The following SLC9B1 variants were observed in gnomAD, a reference collection of about 807,000 sequenced individuals.
The protein encoded by SLC9B1 is solute carrier family 9 member B1, also known as sodium/hydrogen exchanger 9B1.
A neutral mutation model predicts 51.7 loss-of-function variants in SLC9B1; 32 were observed. That is an observed-to-expected ratio of 0.62 (90% confidence interval 0.47 to 0.83). The LOEUF is 0.83. SLC9B1 is among the 40% of genes least tolerant of loss of function. SLC9B1 has a pLI of 0.00. For synonymous variants in SLC9B1, 145 were observed against 212.7 expected, an observed-to-expected ratio of 0.68 and a Z score of 2.77; for missense variants, 406 against 613.2, an observed-to-expected ratio of 0.66 and a Z score of 3.57.
intron 7 of SLC9B1, among the ~76,000 whole-genome samples, chr4:102,916,429 T>C (rs1048324939): frequency 1.6e-4 from 24 of 152,320 alleles, no homozygotes; most frequent in Admixed American, 1.5e-3. Flanking sequence ...CATCTAAATA[T>C]ATGAAGCCAA....
At chr4:102,916,936 A>G (rs1289155399) in intron 7 of SLC9B1, among the ~76,000 whole-genome samples, 2 of 152,230 alleles carry the variant, frequency 1.3e-5, no homozygotes, top group Non-Finnish European at 2.9e-5. Flanking sequence ...CTGCCACAGG[A>G]GAATGATGGA....
At chr4:102,977,284 C>T (rs1417545091) in intron 3 of SLC9B1, among the ~76,000 whole-genome samples, 2 of 113,464 alleles carry the variant, frequency 1.8e-5, no homozygotes, top group South Asian at 5.9e-4. Context: ...ATAACTGAGA[C>T]AATATTATAA....
In SLC9B1 at chr4:102,911,432, T is replaced by C; in HGVS notation, c.935A>G (p.Gln312Arg). 2 of 1,584,058 alleles carry C rather than the reference T, an allele frequency of 1.3e-6. No homozygotes were observed. Among genetic ancestry groups the C allele is most frequent in the Non-Finnish European group, 1.7e-6 (2 of 1,167,882 alleles). ...FFVRYFPSED[Q>R]KKLTLKRGFL... ...CTATAAAATAGATTTTGTATTTACC[T>C]GGTCTTCACTTGGAAAATATCGAAC... The change falls in exon 8 of 12, where the codon CAG becomes CGG. Residue 312 changes from glutamine to arginine, a missense_variant and splice_region_variant. Transcript: ENST00000296422.
At position 102,946,630 on chromosome 4, in the gene SLC9B1, T is replaced by G; in HGVS notation, c.525+17A>C. 1 of 1,597,536 alleles carries G rather than the reference T, an allele frequency of 6.3e-7. No individual in the cohort carries two copies. The highest frequency in any genetic ancestry group is 8.5e-7 in the Non-Finnish European group (1 of 1,175,726). ...ATATTTGAAATAACCTTACTCGATT[T>G]GTAATTGTAAATCTACCTGTGGATC... On this transcript the variant is annotated intron_variant, in intron 5 of 11. Coordinates refer to ENST00000296422, the MANE Select transcript of SLC9B1 (RefSeq NM_139173.4).
chr4:103,017,104 C>T (rs1741406580), intron 1 of SLC9B1: 1 of 152,136 alleles, frequency 6.6e-6, no homozygotes, highest in South Asian at 2.1e-4. Context: ...TCCACACAAG[C>T]TCAAGACAAA....
At chr4:102,935,748 A>T (rs892802046) in intron 6 of SLC9B1, among the ~76,000 whole-genome samples, 1 of 152,374 alleles carries the variant, frequency 6.6e-6, no homozygotes, top group African/African-American at 2.4e-5. Context: ...TACACTTGTT[A>T]GAAGTCCAGA....
At chr4:102,985,638 C>T (rs1739580260) in intron 3 of SLC9B1, among the ~76,000 whole-genome samples, 1 of 152,004 alleles carries the variant, frequency 6.6e-6, no homozygotes, top group African/African-American at 2.4e-5. Context: ...ATTCTCCTGC[C>T]TCAGCATCTT....
intron 3 of SLC9B1, among the ~76,000 whole-genome samples, chr4:102,984,360 C>G (rs551658712): frequency 2.6e-5 from 4 of 152,246 alleles, no homozygotes; most frequent in African/African-American, 7.2e-5. Flanking sequence ...AAGTAATCTG[C>G]CTGCCTCGGC....
At chr4:102,891,768 T>C (rs1230171750) in intron 11 of SLC9B1, 3 of 152,232 alleles carry the variant, frequency 2.0e-5, no homozygotes, top group Non-Finnish European at 4.4e-5. Context: ...AATAAAGCAG[T>C]AGCAATTTAA....
intron 3 of SLC9B1, among the ~76,000 whole-genome samples, chr4:102,981,735 T>C (rs1560518809): frequency 6.6e-6 from 1 of 152,194 alleles, no homozygotes; most frequent in Non-Finnish European, 1.5e-5. Flanking sequence ...TTTAGAGTTC[T>C]TTTTATATTT....
chr4:102,912,552 TAGTA>T (rs1189172876), intron 7 of SLC9B1, among the ~76,000 whole-genome samples: 3 of 152,280 alleles, frequency 2.0e-5, no homozygotes, highest in African/African-American at 4.8e-5. Context: ...GGATTCAATA[TAGTA>T]AGTAAGTATA....
chr4:102,897,821 G>A, downstream of SLC9B1: 1 of 425,996 alleles, frequency 2.3e-6, no homozygotes, highest in Non-Finnish European at 4.6e-6. Context: ...TTCTGCAGTT[G>A]CCGCTACTGC....
At chr4:102,942,880 G>T (rs1737071490) in intron 6 of SLC9B1, among the ~76,000 whole-genome samples, 1 of 152,134 alleles carries the variant, frequency 6.6e-6, no homozygotes, top group South Asian at 2.1e-4. Context: ...AATCAGCAGA[G>T]TAAAAAGACA....
intron 1 of SLC9B1, among the ~76,000 whole-genome samples, chr4:103,002,761 G>A (rs1431565310): frequency 1.3e-5 from 2 of 152,072 alleles, no homozygotes; most frequent in Non-Finnish European, 2.9e-5. Flanking sequence ...CTTAACTCTC[G>A]AGTGCTTTCA....
At chr4:102,898,466 T>C (rs545235859), downstream of SLC9B1, among the ~76,000 whole-genome samples, 2 of 152,212 alleles carry the variant, frequency 1.3e-5, no homozygotes, top group East Asian at 1.9e-4. Context: ...TAATAAAATA[T>C]AAAAATGCTG....
intron 3 of SLC9B1, among the ~76,000 whole-genome samples, chr4:102,975,584 A>ATTTTTTTTTTTTTTTTTT (rs1466561136): frequency 2.5e-5 from 2 of 80,160 alleles, no homozygotes; most frequent in African/African-American, 5.5e-5. Flanking sequence ...ATATATATAT[A>ATTTTTTTTTTTTTTTTTT]TATTTTTTTT....
intron 7 of SLC9B1, among the ~76,000 whole-genome samples, chr4:102,921,334 T>C (rs1271561918): frequency 2.6e-5 from 4 of 152,122 alleles, no homozygotes; most frequent in Non-Finnish European, 4.4e-5. Context: ...GAAGGAGAAA[T>C]AAAATCCTTT....
At chr4:102,959,123 G>T (rs1222103174) in intron 3 of SLC9B1, among the ~76,000 whole-genome samples, 1 of 151,744 alleles carries the variant, frequency 6.6e-6, no homozygotes, top group African/African-American at 2.4e-5. Context: ...TACTGTACAG[G>T]ACTTTAAAAA....
intron 3 of SLC9B1, among the ~76,000 whole-genome samples, chr4:102,951,914 G>A (rs2110479334): frequency 8.6e-6 from 1 of 116,558 alleles, no homozygotes; most frequent in East Asian, 2.6e-4. Flanking sequence ...TAGATACTTA[G>A]ATAAAATGTT....
Sources: allele counts gnomAD v4.1 joint callset (sites outside exome capture counted in the v4.1 genomes callset), GRCh38; gene constraint gnomAD v4.1.1; transcripts MANE v1.5; gene names NCBI Gene and HGNC (gene_info 2026-07-23, HGNC 2026-07-21).